Variants in PLCG2 observed in about 807,000 individuals in gnomAD.
The protein encoded by PLCG2 is phospholipase C gamma 2, also known as 1-phosphatidylinositol 4,5-bisphosphate phosphodiesterase gamma-2.
PLCG2 carries 69 observed loss-of-function variants against 175.6 expected under a neutral mutation model. The ratio of observed to expected loss-of-function variants is 0.39; its 90% confidence interval spans 0.32 to 0.48. The LOEUF is 0.48. PLCG2 is among the 20% of genes least tolerant of loss of function. The pLI is 0.91. For synonymous variants in PLCG2, 827 were observed against 624.0 expected, an observed-to-expected ratio of 1.33 and a Z score of -4.85; for missense variants, 1,798 against 1,650.9, an observed-to-expected ratio of 1.09 and a Z score of -1.54.
chr16:81,932,147 G>A (rs73598703), intron 25 of PLCG2, among the ~76,000 whole-genome samples: 5,638 of 152,158 alleles, frequency 0.037, 361 homozygotes, highest in African/African-American at 0.13. Context: ...CCTTTTCAGG[G>A]CTGTCCTACC....
intron 2 of PLCG2, among the ~76,000 whole-genome samples, chr16:81,831,442 A>T (rs1423919582): frequency 6.6e-6 from 1 of 152,238 alleles, no homozygotes; most frequent in African/African-American, 2.4e-5. Context: ...GCACTTGGCC[A>T]TGAACTTGGT....
chr16:81,819,381 G>T (rs1359247955), intron 2 of PLCG2, among the ~76,000 whole-genome samples: 1 of 152,098 alleles, frequency 6.6e-6, no homozygotes, highest in African/African-American at 2.4e-5. Flanking sequence ...CCTGTGAGGC[G>T]AGGGAGCTCC....
At chr16:81,942,506 A>C (rs148250391) in intron 30 of PLCG2, among the ~76,000 whole-genome samples, 1 of 152,198 alleles carries the variant, frequency 6.6e-6, no homozygotes, top group Non-Finnish European at 1.5e-5. Flanking sequence ...AGGGTCTTCC[A>C]TACTGAAAAA....
intron 2 of PLCG2, among the ~76,000 whole-genome samples, chr16:81,834,626 G>A (rs1033032952): frequency 9.1e-6 from 1 of 110,256 alleles, no homozygotes; most frequent in African/African-American, 3.1e-5. Context: ...GGGAGTTTCA[G>A]AGCTGGGGCT....
chr16:81,858,444 A>T (rs909704647), intron 4 of PLCG2, 88 bp downstream of exon 4: 79 of 898,096 alleles, frequency 8.8e-5, no homozygotes, highest in Non-Finnish European at 1.4e-4. Flanking sequence ...GGGGGAAAAA[A>T]AAAAAAAGGG....
At chr16:81,935,465 A>C (rs1329984435) in intron 26 of PLCG2, 1 of 933,876 alleles carries the variant, frequency 1.1e-6, no homozygotes, top group African/African-American at 1.8e-5. Flanking sequence ...TCCAGGTAGC[A>C]AGCTTTTTGA....
intron 2 of PLCG2, among the ~76,000 whole-genome samples, chr16:81,804,916 C>A (rs1911922753): frequency 6.6e-6 from 1 of 152,182 alleles, no homozygotes; most frequent in South Asian, 2.1e-4. Context: ...GCACTACAAG[C>A]TCACATGTAT....
chr16:81,796,983 T>C (rs778413676), intron 2 of PLCG2, among the ~76,000 whole-genome samples: 6 of 152,232 alleles, frequency 3.9e-5, no homozygotes, highest in African/African-American at 4.8e-5. Context: ...ATTCAGCCAC[T>C]GATACTATGG....
intron 19 of PLCG2, among the ~76,000 whole-genome samples, 172 bp downstream of exon 19, chr16:81,912,888 C>T (rs559160962): frequency 3.9e-5 from 6 of 152,254 alleles, no homozygotes; most frequent in Non-Finnish European, 4.4e-5. Context: ...TGCGCTCCTG[C>T]GTGCCAGGCA....
intron 2 of PLCG2, among the ~76,000 whole-genome samples, chr16:81,846,501 G>C (rs1337398272): frequency 6.6e-6 from 1 of 152,228 alleles, no homozygotes; most frequent in Non-Finnish European, 1.5e-5. Context: ...CACAGAGTAG[G>C]TGCTCTGTAA....
chr16:81,801,596 G>T (rs1177895226), intron 2 of PLCG2, among the ~76,000 whole-genome samples: 1 of 152,098 alleles, frequency 6.6e-6, no homozygotes, highest in Non-Finnish European at 1.5e-5. Context: ...CTTCGCTATT[G>T]TTTGAAATTA....
intron 2 of PLCG2, among the ~76,000 whole-genome samples, chr16:81,769,847 GA>G (rs1328103736): frequency 2.1e-5 from 2 of 94,516 alleles, no homozygotes; most frequent in East Asian, 5.8e-4. Context: ...AAAAAAAAAA[GA>G]AAAAGACATG....
At chr16:81,865,338 G>A (rs1212329797) in intron 5 of PLCG2, among the ~76,000 whole-genome samples, 5 of 152,024 alleles carry the variant, frequency 3.3e-5, no homozygotes, top group Non-Finnish European at 7.4e-5. Context: ...GGTTTTGGTC[G>A]GGCTGTGCAG....
At chr16:81,875,340 G>C (rs1333717452) in intron 7 of PLCG2, among the ~76,000 whole-genome samples, 1 of 152,060 alleles carries the variant, frequency 6.6e-6, no homozygotes, top group East Asian at 1.9e-4. Context: ...TGCCATTTTA[G>C]GGATTAAGAA....
intron 4 of PLCG2, among the ~76,000 whole-genome samples, chr16:81,858,697 C>T (rs868308704): frequency 1.3e-5 from 2 of 152,116 alleles, no homozygotes; most frequent in African/African-American, 4.8e-5. Context: ...AGGACAGATA[C>T]AGGGTCTGGA....
In PLCG2 at chr16:81,937,764, A is replaced by G; in HGVS notation, c.3059A>G (p.Tyr1020Cys). The change falls in exon 28 of 33, where the codon TAC (tyrosine) becomes TGC (cysteine). Residue 1020 changes from tyrosine to cysteine, a missense_variant. Transcript: ENST00000564138. The part of the protein sequence containing the change: ...VALNFQTADK[Y>C]MQMNHALFSL... ...CGTTCACTTTCCTTCCCAGATAAGT[A>G]CATGCAGATGAATCACGCATTGTTT... The G allele has an allele frequency of 6.2e-7, 1 of 1,613,942 alleles. No homozygotes were observed. Among genetic ancestry groups the G allele is most frequent in the Non-Finnish European group, 8.5e-7 (1 of 1,179,878 alleles).
At chr16:81,786,835 A>G (rs1910993436) in intron 2 of PLCG2, among the ~76,000 whole-genome samples, 1 of 152,206 alleles carries the variant, frequency 6.6e-6, no homozygotes, top group African/African-American at 2.4e-5. Flanking sequence ...TTTTAAATTA[A>G]CTAGTTTTTA....
At chr16:81,935,901 G>A (rs757732827) in intron 26 of PLCG2, 27 of 984,984 alleles carry the variant, frequency 2.7e-5, no homozygotes, top group Non-Finnish European at 3.3e-5. Flanking sequence ...TTCAAGGATG[G>A]TGATAGTTTA....
At chr16:81,879,714 C>T (rs1263850192) in intron 7 of PLCG2, among the ~76,000 whole-genome samples, 1 of 152,178 alleles carries the variant, frequency 6.6e-6, no homozygotes, top group African/African-American at 2.4e-5. Flanking sequence ...ACTGTTGAAG[C>T]AAGGCTACCT....
Sources: gnomAD v4.1 joint callset for allele counts (sites outside exome capture counted in the v4.1 genomes callset) on GRCh38, gnomAD v4.1.1 for gene constraint, MANE v1.5 for transcripts, NCBI Gene and HGNC (gene_info 2026-07-23, HGNC 2026-07-21) for gene names.